The following IQSEC3 variants were observed in gnomAD, a reference collection of about 807,000 sequenced individuals.
IQSEC3 encodes the protein IQ motif and Sec7 domain ArfGEF 3.
IQSEC3 carries 50 observed loss-of-function variants against 105.4 expected under a neutral mutation model. The observed-to-expected ratio is 0.47, with a 90% CI of 0.38 to 0.60. The LOEUF (loss-of-function observed/expected upper bound fraction) is 0.60, where lower values mean the gene tolerates loss of function less well. IQSEC3 is among the 20% of genes least tolerant of loss of function. IQSEC3 has a pLI of 0.00. For missense variants in IQSEC3, 1,415 were observed against 1,630.0 expected, an observed-to-expected ratio of 0.87 and a Z score of 2.27; for synonymous variants, 708 against 746.0, an observed-to-expected ratio of 0.95 and a Z score of 0.83.
chr12:73,928 G>T (rs7133983), intron 1 of IQSEC3, among the ~76,000 whole-genome samples: 149 of 152,386 alleles, frequency 9.8e-4, no homozygotes, highest in African/African-American at 3.5e-3. Flanking sequence ...CAAATTTCTA[G>T]TTGGCAAAGG....
chr12:141,478 C>A (rs1299665999), intron 5 of IQSEC3, 193 bp downstream of exon 5: 1 of 577,392 alleles, frequency 1.7e-6, no homozygotes. Flanking sequence ...CCGTCAGAGT[C>A]ATTGATTGAG....
intron 1 of IQSEC3, among the ~76,000 whole-genome samples, chr12:84,673 G>A (rs944247773): frequency 6.6e-6 from 1 of 152,222 alleles, no homozygotes; most frequent in Admixed American, 6.5e-5. Context: ...ACCCAGGCAG[G>A]TGTGTATGAG....
At chr12:116,178 C>A (rs1865041964) in intron 2 of IQSEC3, among the ~76,000 whole-genome samples, 1 of 152,186 alleles carries the variant, frequency 6.6e-6, no homozygotes, top group Non-Finnish European at 1.5e-5. Context: ...TTCACAGGAC[C>A]TTGAGGCACA....
chr12:111,939 T>A (rs7313080), intron 2 of IQSEC3: 146,273 of 152,306 alleles, frequency 0.96, 70,514 homozygotes, highest in East Asian at 1. Context: ...CGGGTGTCTC[T>A]TGAGCAGGCA....
At chr12:136,186 T>A (rs770809170) in intron 3 of IQSEC3, among the ~76,000 whole-genome samples, 8 of 152,210 alleles carry the variant, frequency 5.3e-5, no homozygotes, top group Non-Finnish European at 1.0e-4. Context: ...TACACATTAA[T>A]CTGCGTGAGT....
chr12:78,217 G>A (rs1446348510), intron 1 of IQSEC3, among the ~76,000 whole-genome samples: 1 of 151,510 alleles, frequency 6.6e-6, no homozygotes, highest in Non-Finnish European at 1.5e-5. Flanking sequence ...CCGGCCCGAG[G>A]GGGCTCGGAA....
chr12:109,659 G>A (rs925036920), intron 2 of IQSEC3, among the ~76,000 whole-genome samples: 10 of 151,996 alleles, frequency 6.6e-5, no homozygotes, highest in South Asian at 2.1e-4. Context: ...CTCAGTGGCC[G>A]CACTGCACCC....
At chr12:125,994 C>T in intron 3 of IQSEC3, 82 bp downstream of exon 3, 4 of 1,341,632 alleles carry the variant, frequency 3.0e-6, no homozygotes, top group South Asian at 1.4e-5. Context: ...AGGGATATCC[C>T]CGCTGGGTCC....
intron 3 of IQSEC3, chr12:137,601 TA>T (rs1865816931): frequency 6.8e-6 from 1 of 146,222 alleles, no homozygotes; most frequent in South Asian, 2.1e-4. Flanking sequence ...TACCCATAAG[TA>T]CTTCTGTATG....
intron 3 of IQSEC3, among the ~76,000 whole-genome samples, chr12:132,853 C>G (rs1865644870): frequency 6.6e-6 from 1 of 152,210 alleles, no homozygotes; most frequent in African/African-American, 2.4e-5. Context: ...ATCATTGTCA[C>G]TGTCACCATT....
intron 1 of IQSEC3, among the ~76,000 whole-genome samples, chr12:83,175 G>A (rs1302042396): frequency 6.6e-6 from 1 of 152,174 alleles, no homozygotes; most frequent in Non-Finnish European, 1.5e-5. Flanking sequence ...AGCTGAGCGT[G>A]GCATTGTCAT....
At chr12:120,987 A>G (rs782747823) in intron 2 of IQSEC3, among the ~76,000 whole-genome samples, 2 of 152,198 alleles carry the variant, frequency 1.3e-5, no homozygotes, top group Non-Finnish European at 2.9e-5. Context: ...TCTCCCGGCT[A>G]GCGCACTGCC....
At chr12:126,384 G>A (rs1008946063) in intron 3 of IQSEC3, among the ~76,000 whole-genome samples, 1 of 152,232 alleles carries the variant, frequency 6.6e-6, no homozygotes, top group Non-Finnish European at 1.5e-5. Flanking sequence ...TCCAGACTGG[G>A]GGAGTCCAAA....
intron 2 of IQSEC3, among the ~76,000 whole-genome samples, chr12:102,572 A>G (rs1205440029): frequency 1.3e-5 from 2 of 152,178 alleles, no homozygotes; most frequent in East Asian, 3.9e-4. Flanking sequence ...TCCCTCCCAG[A>G]AAGACCCAGG....
At chr12:147,152 T>C (rs1255078304) in intron 5 of IQSEC3, among the ~76,000 whole-genome samples, 1 of 152,184 alleles carries the variant, frequency 6.6e-6, no homozygotes, top group Non-Finnish European at 1.5e-5. Context: ...CAGTCTCCTC[T>C]GTGTGATAGC....
intron 1 of IQSEC3, among the ~76,000 whole-genome samples, chr12:75,640 G>A (rs1367400483): frequency 3.9e-5 from 6 of 152,384 alleles, no homozygotes; most frequent in Admixed American, 3.9e-4. Flanking sequence ...GGCAGCAGAG[G>A]TTGGTGTCGC....
Position 138,160 on chromosome 12 carries a change from A to T in IQSEC3, c.904-107A>T. 1.0e-6 allele frequency: 1 copy of T among 1,002,294 alleles called. No individual in the cohort carries two copies. 62.1% of individuals were successfully genotyped at this position (1,002,294 alleles called of 1,614,324 possible). ...CAGGAGCGCCCCCCCGCCCCCGTCC[A>T]TTCCTGGGCCCCACCCGAGTGTGGC... On this transcript the variant is annotated intron_variant, in intron 3 of 13. Transcript: ENST00000538872. The surrounding 1 kb of genome is among the most constrained non-coding windows in gnomAD (Gnocchi z 7.1).
chr12:125,607 C>T (rs781901680), intron 2 of IQSEC3, 26 bp from the exon 3 acceptor site: 302 of 1,473,780 alleles, frequency 2.0e-4, no homozygotes, highest in Non-Finnish European at 2.2e-4. Flanking sequence ...CTCCCCCAAC[C>T]GAGCACCGTT....
At chr12:69,361 G>T (rs1203943949) in intron 1 of IQSEC3, among the ~76,000 whole-genome samples, 2 of 152,284 alleles carry the variant, frequency 1.3e-5, no homozygotes, top group African/African-American at 4.8e-5. Flanking sequence ...CTGGGATTTA[G>T]GAATCATCTG....
Sources: gnomAD v4.1 joint callset for allele counts (sites outside exome capture counted in the v4.1 genomes callset) on GRCh38, gnomAD v4.1.1 for gene constraint, Gnocchi (gnomAD v3.1) non-coding constraint, MANE v1.5 for transcripts, NCBI Gene and HGNC (gene_info 2026-07-23, HGNC 2026-07-21) for gene names.